PACRG: variants seen among roughly 807,000 people sequenced by gnomAD.
PACRG encodes the protein parkin coregulated.
In PACRG, 29 loss-of-function variants were observed where a neutral mutation model predicts 29.7. That is an observed-to-expected ratio of 0.98 (90% CI 0.73 to 1.33). The LOEUF (loss-of-function observed/expected upper bound fraction) is 1.33, where lower values mean the gene tolerates loss of function less well. Ranked by LOEUF, PACRG falls within the 40% of genes most tolerant of loss-of-function variation. The pLI, the probability that PACRG is intolerant of heterozygous loss-of-function variation, is 0.00. For missense variants in PACRG, 279 were observed against 316.2 expected (o/e 0.88, Z 0.89); for synonymous variants, 116 against 118.7 (o/e 0.98, Z 0.15).
chr6:163,270,216 A>G (rs1239574122), intron 4 of PACRG, among the ~76,000 whole-genome samples: 1 of 152,216 alleles, frequency 6.6e-6, no homozygotes, highest in Non-Finnish European at 1.5e-5. Context: ...ATTCACTGGG[A>G]AAATAAAAGA....
chr6:162,913,205 T>C (rs907564782), intron 2 of PACRG, among the ~76,000 whole-genome samples: 1 of 152,140 alleles, frequency 6.6e-6, no homozygotes, highest in African/African-American at 2.4e-5. Flanking sequence ...CCATGAACCA[T>C]CTCAGGAAGC....
At chr6:163,180,624 C>CA (rs1371397765) in intron 4 of PACRG, among the ~76,000 whole-genome samples, 12 of 150,250 alleles carry the variant, frequency 8.0e-5, no homozygotes, top group East Asian at 5.9e-4. Context: ...TACTCTGTCT[C>CA]AAAAAAAATA....
chr6:163,171,432 C>T (rs757076206), intron 4 of PACRG, among the ~76,000 whole-genome samples: 2 of 152,110 alleles, frequency 1.3e-5, no homozygotes, highest in Non-Finnish European at 1.5e-5. Context: ...TTTGCCCCTC[C>T]GTGAGGCAGG....
chr6:162,912,547 A>G (rs1174858528), intron 2 of PACRG, among the ~76,000 whole-genome samples: 2 of 152,030 alleles, frequency 1.3e-5, no homozygotes, highest in African/African-American at 4.8e-5. Context: ...TGTAAATGTT[A>G]AACACATAAG....
At chr6:162,969,677 C>T (rs529092359) in intron 2 of PACRG, among the ~76,000 whole-genome samples, 1 of 152,198 alleles carries the variant, frequency 6.6e-6, no homozygotes, top group South Asian at 2.1e-4. Context: ...TGACTGTTTC[C>T]TCCTGGAGGG....
intron 4 of PACRG, among the ~76,000 whole-genome samples, chr6:163,144,755 C>T (rs1344482679): frequency 6.6e-6 from 1 of 151,964 alleles, no homozygotes; most frequent in African/African-American, 2.4e-5. Context: ...GGCGACAGAG[C>T]GAGACTCTCT....
At chr6:162,994,785 G>A (rs1270553284) in intron 2 of PACRG, among the ~76,000 whole-genome samples, 1 of 151,060 alleles carries the variant, frequency 6.6e-6, no homozygotes, top group African/African-American at 2.5e-5. Flanking sequence ...TGCTGGTAAG[G>A]AACTGCGTTC....
chr6:163,306,771 A>C (rs1785209974), intron 4 of PACRG, among the ~76,000 whole-genome samples: 1 of 152,166 alleles, frequency 6.6e-6, no homozygotes, highest in Admixed American at 6.5e-5. Context: ...TTGCTTTGTG[A>C]TCATCTTTTC....
chr6:162,975,564 T>C (rs181124936), intron 2 of PACRG, among the ~76,000 whole-genome samples: 1 of 152,194 alleles, frequency 6.6e-6, no homozygotes, highest in Non-Finnish European at 1.5e-5. Flanking sequence ...GCTTTTCCAT[T>C]TTTTTCTCTC....
intron 2 of PACRG, among the ~76,000 whole-genome samples, chr6:162,941,462 C>T (rs965444943): frequency 1.4e-4 from 22 of 152,022 alleles, no homozygotes; most frequent in Non-Finnish European, 7.4e-5. Context: ...ACAGGCCTGG[C>T]GAGTTAAGCA....
At chr6:163,204,144 G>A (rs1780810090) in intron 4 of PACRG, among the ~76,000 whole-genome samples, 1 of 152,194 alleles carries the variant, frequency 6.6e-6, no homozygotes, top group South Asian at 2.1e-4. Flanking sequence ...CTAAATCTTT[G>A]TCATTTCATT....
chr6:162,820,054 C>T (rs1000594191), intron 2 of PACRG, among the ~76,000 whole-genome samples: 2 of 152,144 alleles, frequency 1.3e-5, no homozygotes, highest in Non-Finnish European at 2.9e-5. Flanking sequence ...AGGTTATACA[C>T]GAATGCTTTC....
At chr6:163,145,272 T>C (rs1260612793) in intron 4 of PACRG, among the ~76,000 whole-genome samples, 1 of 152,214 alleles carries the variant, frequency 6.6e-6, no homozygotes. Flanking sequence ...CACAGTGTAA[T>C]GAGGATTAAA....
At chr6:162,969,964 G>A (rs1435714724) in intron 2 of PACRG, among the ~76,000 whole-genome samples, 2 of 152,192 alleles carry the variant, frequency 1.3e-5, no homozygotes, top group African/African-American at 2.4e-5. Flanking sequence ...ACAGCACCTT[G>A]GAGTAAATGA....
chr6:162,963,645 TAA>T (rs1800808558), intron 2 of PACRG, among the ~76,000 whole-genome samples: 1 of 150,810 alleles, frequency 6.6e-6, no homozygotes, highest in Non-Finnish European at 1.5e-5. Context: ...TTTATAATTA[TAA>T]ATTTATTGCA....
intron 2 of PACRG, among the ~76,000 whole-genome samples, chr6:162,917,010 T>C (rs1796743410): frequency 6.6e-6 from 1 of 152,112 alleles, no homozygotes; most frequent in Non-Finnish European, 1.5e-5. Context: ...AACATCCGGA[T>C]CACATTTCTT....
At chr6:162,814,089 T>C in intron 1 of PACRG, 58 bp from the exon 2 acceptor site, 1 of 1,498,288 alleles carries the variant, frequency 6.7e-7, no homozygotes, top group Non-Finnish European at 9.0e-7. Flanking sequence ...GTTCTTTTAT[T>C]ATGAATTTTT....
chr6:162,974,142 T>C (rs939807815), intron 2 of PACRG, among the ~76,000 whole-genome samples: 1 of 152,142 alleles, frequency 6.6e-6, no homozygotes, highest in African/African-American at 2.4e-5. Flanking sequence ...GTTGCCTGCA[T>C]TGACGGGGCT....
chr6:163,029,700 G>A (rs955302536), intron 2 of PACRG, among the ~76,000 whole-genome samples: 5 of 152,154 alleles, frequency 3.3e-5, no homozygotes, highest in African/African-American at 1.2e-4. Context: ...GATTCCTGGA[G>A]CCCCTGCAAC....
Sources: allele counts gnomAD v4.1 joint callset (sites outside exome capture counted in the v4.1 genomes callset), GRCh38; gene constraint gnomAD v4.1.1; transcripts MANE v1.5; gene names NCBI Gene and HGNC (gene_info 2026-07-23, HGNC 2026-07-21).